Variants in TYW1 observed in about 807,000 individuals in gnomAD.
TYW1 encodes the protein S-adenosyl-L-methionine-dependent tRNA 4-demethylwyosine synthase TYW1.
Under a neutral mutation model 96.2 loss-of-function variants are expected in TYW1, and 46 were observed. The ratio of observed to expected loss-of-function variants is 0.48; its 90% CI spans 0.38 to 0.61. TYW1 has a LOEUF of 0.61. TYW1 is among the 20% of genes least tolerant of loss of function. TYW1 has a pLI of 0.00. For missense variants in TYW1, 684 were observed against 909.6 expected (o/e 0.75, Z 3.19); for synonymous variants, 274 against 323.0 (o/e 0.85, Z 1.63).
At chr7:67,022,018 C>T (rs1193020955) in intron 6 of TYW1, among the ~76,000 whole-genome samples, 2 of 152,204 alleles carry the variant, frequency 1.3e-5, no homozygotes, top group African/African-American at 4.8e-5. Flanking sequence ...TCAAGTGATC[C>T]TCCTATCTCA....
chr7:67,199,735 T>A (rs575058435), intron 15 of TYW1, among the ~76,000 whole-genome samples: 48 of 152,344 alleles, frequency 3.2e-4, no homozygotes, highest in Non-Finnish European at 6.2e-4. Flanking sequence ...CTAGACTCCC[T>A]GTTCCTCTCT....
chr7:67,215,638 G>T (rs1161678961), intron 15 of TYW1, among the ~76,000 whole-genome samples: 6 of 151,754 alleles, frequency 4.0e-5, no homozygotes, highest in Non-Finnish European at 8.8e-5. Context: ...TATTAGTCAG[G>T]GTTCTGTTAG....
At chr7:67,070,513 C>G (rs1046549710) in intron 10 of TYW1, among the ~76,000 whole-genome samples, 2 of 151,994 alleles carry the variant, frequency 1.3e-5, no homozygotes, top group Admixed American at 1.3e-4. Context: ...TTTTCTTTGG[C>G]CTGTTCAAAT....
chr7:67,105,189 T>C (rs1212480561), intron 12 of TYW1, among the ~76,000 whole-genome samples: 2 of 152,228 alleles, frequency 1.3e-5, no homozygotes, highest in Non-Finnish European at 2.9e-5. Flanking sequence ...TTCAAGTCAA[T>C]GAGAAGGCAC....
rs190020507 is a variant in TYW1, at chr7:67,057,408, C to T, written c.1155+1521C>T. Among the ~76,000 whole-genome samples the T allele has an allele frequency of 3.4e-3, 510 of 151,442 alleles. 4 individuals are homozygous for T. Among genetic ancestry groups the T allele is most frequent in the African/African-American group, 0.011 (468 of 41,332 alleles). On this transcript the variant is annotated intron_variant, in intron 9 of 15. Coordinates refer to ENST00000359626, the MANE Select transcript of TYW1 (RefSeq NM_018264.4). The stretch of plus-strand genomic sequence containing the variant: ...TTTTCGAGACAGAGTCTCGTTGTCT[C>T]ACCCAGGCTGGAGTGCAGTGGTGCA...
intron 15 of TYW1, among the ~76,000 whole-genome samples, chr7:67,234,566 C>T (rs1801828728): frequency 6.6e-6 from 1 of 151,988 alleles, no homozygotes; most frequent in South Asian, 2.1e-4. Flanking sequence ...GTTTCAGTCC[C>T]CCACACTATG....
intron 3 of TYW1, among the ~76,000 whole-genome samples, chr7:67,004,838 C>G (rs1294850709): frequency 1.3e-5 from 2 of 152,150 alleles, no homozygotes; most frequent in African/African-American, 4.8e-5. Flanking sequence ...TCACTGCAAC[C>G]TTTGCCTCCC....
At chr7:67,022,150 C>T (rs576909283) in intron 6 of TYW1, among the ~76,000 whole-genome samples, 79 of 152,274 alleles carry the variant, frequency 5.2e-4, no homozygotes, top group East Asian at 2.1e-3. Context: ...TGAGCTCAAG[C>T]GATCCTCCTG....
At chr7:67,080,930 C>T (rs922775590) in intron 10 of TYW1, among the ~76,000 whole-genome samples, 1 of 29,132 alleles carries the variant, frequency 3.4e-5, no homozygotes, top group Admixed American at 3.1e-4. Context: ...ATTGTTTTTG[C>T]TTTCTTACTG....
chr7:66,997,760 C>G (rs2129234826), intron 1 of TYW1, among the ~76,000 whole-genome samples: 1 of 152,050 alleles, frequency 6.6e-6, no homozygotes, highest in South Asian at 2.1e-4. Context: ...CCCCGAGTAG[C>G]TGGGATTACA....
intron 3 of TYW1, among the ~76,000 whole-genome samples, chr7:66,999,518 A>G (rs1441565545): frequency 6.6e-6 from 1 of 151,910 alleles, no homozygotes; most frequent in East Asian, 1.9e-4. Flanking sequence ...ATGCCTGGCT[A>G]ATTTTTGTAT....
chr7:66,997,703 A>G (rs1177694333), intron 1 of TYW1, among the ~76,000 whole-genome samples: 1 of 128,242 alleles, frequency 7.8e-6, no homozygotes, highest in African/African-American at 3.0e-5. Context: ...ATCTTGGCTC[A>G]CTGCAACTTC....
chr7:66,997,967 T>C (rs1337156424), intron 1 of TYW1, 98 bp from the exon 2 acceptor site: 29 of 1,417,508 alleles, frequency 2.0e-5, no homozygotes, highest in Non-Finnish European at 2.6e-5. Context: ...AGCTGGGTTG[T>C]TGAATGTAAG....
chr7:67,056,115 C>T (rs1473322837), intron 9 of TYW1, among the ~76,000 whole-genome samples: 1 of 152,140 alleles, frequency 6.6e-6, no homozygotes, highest in Non-Finnish European at 1.5e-5. Flanking sequence ...ATTTATTGTG[C>T]CCATTTCTAG....
intron 7 of TYW1, among the ~76,000 whole-genome samples, chr7:67,046,234 C>T (rs1228680559): frequency 6.6e-6 from 1 of 152,136 alleles, no homozygotes; most frequent in Non-Finnish European, 1.5e-5. Context: ...CCGAGGCTTG[C>T]TTCTTAATTC....
chr7:67,112,914 A>C (rs1797468645), intron 12 of TYW1, among the ~76,000 whole-genome samples: 1 of 152,192 alleles, frequency 6.6e-6, no homozygotes, highest in African/African-American at 2.4e-5. Flanking sequence ...ATAAAACTTC[A>C]GTAAGCCAAA....
chr7:67,203,196 G>A (rs1365982177), intron 15 of TYW1, among the ~76,000 whole-genome samples: 4 of 152,178 alleles, frequency 2.6e-5, no homozygotes, highest in Admixed American at 1.3e-4. Context: ...TTTCCTCATT[G>A]GAAGAAGGAT....
At chr7:67,040,883 G>A (rs1794998002) in intron 7 of TYW1, among the ~76,000 whole-genome samples, 1 of 151,970 alleles carries the variant, frequency 6.6e-6, no homozygotes, top group South Asian at 2.1e-4. Flanking sequence ...TTTGTTTATA[G>A]TGGGTGAAGA....
chr7:67,187,051 A>C (rs1800047747), intron 14 of TYW1, among the ~76,000 whole-genome samples: 1 of 127,486 alleles, frequency 7.8e-6, no homozygotes, highest in African/African-American at 3.0e-5. Flanking sequence ...ACCACAATTA[A>C]ATTTTTTTTT....
Sources: gnomAD v4.1 joint callset for allele counts (sites outside exome capture counted in the v4.1 genomes callset) on GRCh38, gnomAD v4.1.1 for gene constraint, MANE v1.5 for transcripts, NCBI Gene and HGNC (gene_info 2026-07-23, HGNC 2026-07-21) for gene names.